SHISA6: variants seen among roughly 807,000 people sequenced by gnomAD.
SHISA6 encodes protein shisa-6.
SHISA6 carries 22 observed loss-of-function variants against 47.9 expected under a neutral mutation model. The ratio of observed to expected loss-of-function variants is 0.46; its 90% confidence interval spans 0.33 to 0.66. The LOEUF (loss-of-function observed/expected upper bound fraction) is 0.66, where lower values mean the gene tolerates loss of function less well. Among genes scored for constraint, SHISA6 ranks in the 30% least tolerant of loss-of-function variants. The pLI, the probability that SHISA6 is intolerant of heterozygous loss-of-function variation, is 0.02. For missense variants in SHISA6, 680 were observed against 764.6 expected (o/e 0.89, Z 1.30); for synonymous variants, 388 against 337.8 (o/e 1.15, Z -1.63).
intron 1 of SHISA6, among the ~76,000 whole-genome samples, chr17:11,245,204 G>A (rs1028412122): frequency 6.6e-6 from 1 of 152,242 alleles, no homozygotes; most frequent in African/African-American, 2.4e-5. Flanking sequence ...CGTGGAGGAG[G>A]AAGAGATGGG....
chr17:11,286,207 C>G (rs571311810), intron 2 of SHISA6, among the ~76,000 whole-genome samples: 21 of 152,154 alleles, frequency 1.4e-4, no homozygotes, highest in Non-Finnish European at 2.9e-4. Context: ...CATCTAACAT[C>G]TACCCCACAG....
At chr17:11,345,116 CT>C (rs1296732426) in intron 2 of SHISA6, among the ~76,000 whole-genome samples, 4 of 152,030 alleles carry the variant, frequency 2.6e-5, no homozygotes, top group African/African-American at 4.8e-5. Flanking sequence ...GGAATTCATT[CT>C]TTTTTTATGG....
intron 3 of SHISA6, among the ~76,000 whole-genome samples, chr17:11,493,539 C>G (rs924907658): frequency 6.6e-6 from 1 of 152,074 alleles, no homozygotes; most frequent in East Asian, 1.9e-4. Flanking sequence ...TAATGCAACT[C>G]CTACTTGTTT....
At chr17:11,307,952 A>T (rs1265440792) in intron 2 of SHISA6, among the ~76,000 whole-genome samples, 1 of 152,168 alleles carries the variant, frequency 6.6e-6, no homozygotes, top group African/African-American at 2.4e-5. Context: ...AGCAAATGAA[A>T]GGAGTGTACT....
At chr17:11,278,086 A>G (rs1401485695) in intron 2 of SHISA6, among the ~76,000 whole-genome samples, 1 of 152,106 alleles carries the variant, frequency 6.6e-6, no homozygotes, top group Non-Finnish European at 1.5e-5. Context: ...CGTTGGTATT[A>G]AAAAATATCA....
intron 1 of SHISA6, among the ~76,000 whole-genome samples, chr17:11,259,539 G>A (rs906948622): frequency 6.6e-5 from 10 of 152,230 alleles, no homozygotes; most frequent in African/African-American, 2.4e-4. Context: ...GCCATTTTAA[G>A]CACTAGTTCA....
chr17:11,282,116 C>T (rs1249154690), intron 2 of SHISA6, among the ~76,000 whole-genome samples: 1 of 152,226 alleles, frequency 6.6e-6, no homozygotes, highest in Non-Finnish European at 1.5e-5. Flanking sequence ...TCCTCACTCT[C>T]AATGCCTTTC....
chr17:11,525,667 G>GAAAAAAAAAA (rs2071672859), intron 3 of SHISA6, among the ~76,000 whole-genome samples: 1 of 105,546 alleles, frequency 9.5e-6, no homozygotes, highest in African/African-American at 3.5e-5. Context: ...AAAAAAAAAC[G>GAAAAAAAAAA]TGTTATAATA....
chr17:11,547,544 T>C (rs899516782), intron 3 of SHISA6, among the ~76,000 whole-genome samples: 1 of 152,204 alleles, frequency 6.6e-6, no homozygotes, highest in Non-Finnish European at 1.5e-5. Context: ...GTATTGTTGC[T>C]CATGGAATAG....
At chr17:11,471,756 G>A (rs1915939892) in intron 3 of SHISA6, among the ~76,000 whole-genome samples, 1 of 152,180 alleles carries the variant, frequency 6.6e-6, no homozygotes. Flanking sequence ...GGAGCACCAT[G>A]CCTGGCACAT....
chr17:11,356,169 G>GC (rs1912072977), intron 2 of SHISA6, among the ~76,000 whole-genome samples: 1 of 152,200 alleles, frequency 6.6e-6, no homozygotes, highest in South Asian at 2.1e-4. Flanking sequence ...AGCTTAATGA[G>GC]CAAACCATTG....
rs1354701951 is a variant in SHISA6 at position 11,241,579 on chromosome 17, C to G, written c.157C>G (p.Arg53Gly). 1.5e-5 allele frequency: 17 copies of G among 1,128,874 alleles called. No individual in the cohort carries two copies. The highest frequency in any genetic ancestry group is 1.8e-5 in the Non-Finnish European group (17 of 924,536). The allele number at this position is 1,128,874 out of a possible 1,614,324, so 69.9% of individuals were successfully genotyped here. The change falls in exon 1 of 6, where the codon CGG becomes GGG. Residue 53 changes from arginine (R) to glycine (G), a missense_variant. Physicochemically the swap from Arg to Gly is moderately radical, Grantham distance 125 (BLOSUM62 -2). Around this residue, in one of 2 missense-constraint regions of SHISA6, gnomAD observed 121 missense variants for 90.5 expected, o/e 1.34. Transcript: ENST00000441885. This position sits in a 1 kb window ranked among gnomAD's most constrained non-coding sequence, Gnocchi z 5.5. ...CCGGAGGGCCGGGGGCGCCCTGGCA[C>G]GGGGCGGCCGCGAGCTGAACGGCAC... is the stretch of plus-strand genomic sequence containing the variant. ...GGRRAGGALA[R>G]GGRELNGTAR...
intron 3 of SHISA6, among the ~76,000 whole-genome samples, chr17:11,481,064 A>G (rs1916199679): frequency 6.6e-6 from 1 of 152,136 alleles, no homozygotes; most frequent in Non-Finnish European, 1.5e-5. Context: ...GGATCACTTG[A>G]GGCCAGGAGT....
chr17:11,298,927 A>G, intron 2 of SHISA6, among the ~76,000 whole-genome samples: 1 of 152,230 alleles, frequency 6.6e-6, no homozygotes, highest in East Asian at 1.9e-4. Context: ...AGATTTGTTC[A>G]GGGATGGTAG....
chr17:11,305,935 T>G (rs1199478182), intron 2 of SHISA6, among the ~76,000 whole-genome samples: 1 of 152,016 alleles, frequency 6.6e-6, no homozygotes, highest in Non-Finnish European at 1.5e-5. Flanking sequence ...CAGTTAGTGG[T>G]CTTCACTGTC....
In SHISA6 at chr17:11,549,512, A is replaced by G. The variant is rs531361889; in HGVS notation, c.896-2384A>G. Among the ~76,000 whole-genome samples the G allele has an allele frequency of 1.7e-4, 26 of 152,358 alleles. No homozygotes were observed. In the East Asian group the frequency reaches 4.8e-3, roughly 28 times the overall value. On this transcript the variant is annotated intron_variant, in intron 3 of 5. Transcript: ENST00000441885. ...AATGGTAGGCCAATAATATATATTC[A>G]TTCTACTTCAGTCCTCATTTAAATG...
At chr17:11,277,280 T>TCTCTCTCTCTCACA (rs1386997909) in intron 2 of SHISA6, among the ~76,000 whole-genome samples, 714 of 53,644 alleles carry the variant, frequency 0.013, 4 homozygotes, top group East Asian at 0.052. Context: ...TCTCTCTCTC[T>TCTCTCTCTCTCACA]CACACACACA....
intron 1 of SHISA6, among the ~76,000 whole-genome samples, chr17:11,244,242 A>C (rs201202203): frequency 1.3e-5 from 2 of 152,118 alleles, no homozygotes; most frequent in South Asian, 4.1e-4. Context: ...TATTCAGTTC[A>C]CAGCCTCTCT....
rs369825002 is a variant in SHISA6 at position 11,263,061 on chromosome 17, C to T, written c.639-305C>T. 2.6e-5 allele frequency among the ~76,000 whole-genome samples: 4 copies of T among 152,298 alleles called. No homozygotes were observed. The East Asian group carries it at 7.7e-4, about 29-fold the overall frequency. Reference sequence around the variant, plus strand: ...CTGGCCAGCTGCTATAGATACCTGCCTGGCATAGGTGGATATTTGGGGAGC... The same window carrying T: ...CTGGCCAGCTGCTATAGATACCTGCTTGGCATAGGTGGATATTTGGGGAGC... On this transcript the variant is annotated intron_variant, in intron 1 of 5. Coordinates refer to ENST00000441885, the MANE Select transcript of SHISA6 (RefSeq NM_207386.4).
Sources: gnomAD v4.1 joint callset for allele counts (sites outside exome capture counted in the v4.1 genomes callset) on GRCh38, gnomAD v4.1.1 for gene constraint, gnomAD v4.1.1 regional missense constraint, Gnocchi (gnomAD v3.1) non-coding constraint, MANE v1.5 for transcripts, NCBI Gene and HGNC (gene_info 2026-07-23, HGNC 2026-07-21) for gene names.